The following RBKS variants were observed in gnomAD, a reference collection of about 807,000 sequenced individuals.
RBKS encodes ribokinase.
RBKS carries 33 observed loss-of-function variants against 33.9 expected under a neutral mutation model. The ratio of observed to expected loss-of-function variants is 0.97; its 90% CI spans 0.74 to 1.30. The LOEUF is 1.30. Among genes scored for constraint, RBKS ranks in the 50% most tolerant of loss-of-function variants. The pLI, the probability that RBKS is intolerant of heterozygous loss-of-function variation, is 0.00. For missense variants in RBKS, 361 were observed against 392.6 expected (o/e 0.92, Z 0.68); for synonymous variants, 125 against 143.0 (o/e 0.87, Z 0.90).
intron 7 of RBKS, among the ~76,000 whole-genome samples, chr2:27,783,497 G>T (rs1677327622): frequency 6.6e-6 from 1 of 152,338 alleles, no homozygotes; most frequent in African/African-American, 2.4e-5. Flanking sequence ...CATGGAAACA[G>T]AAAACGTCCT....
chr2:27,797,220 G>A (rs1003259319), intron 7 of RBKS, among the ~76,000 whole-genome samples: 2 of 152,212 alleles, frequency 1.3e-5, no homozygotes, highest in Admixed American at 6.5e-5. Flanking sequence ...TTGGGGCTGC[G>A]GTGTGCGATT....
At chr2:27,850,897 G>A (rs1302486556) in intron 2 of RBKS, among the ~76,000 whole-genome samples, 1 of 152,166 alleles carries the variant, frequency 6.6e-6, no homozygotes, top group African/African-American at 2.4e-5. Context: ...CAGAGGTTCT[G>A]GTAACACTGG....
intron 1 of RBKS, among the ~76,000 whole-genome samples, chr2:27,889,121 TCTAA>T (rs1324799825): frequency 1.3e-5 from 2 of 152,246 alleles, no homozygotes; most frequent in Non-Finnish European, 2.9e-5. Context: ...CAGTCTCTTC[TCTAA>T]CTCCCACCTT....
intron 7 of RBKS, among the ~76,000 whole-genome samples, chr2:27,786,355 C>T (rs1677400446): frequency 6.6e-6 from 1 of 152,196 alleles, no homozygotes; most frequent in South Asian, 2.1e-4. Flanking sequence ...TGCCTCCCTA[C>T]CTTGCACCCT....
chr2:27,845,425 G>A (rs938948627), intron 4 of RBKS, among the ~76,000 whole-genome samples: 1 of 152,102 alleles, frequency 6.6e-6, no homozygotes, highest in African/African-American at 2.4e-5. Flanking sequence ...ACCAGGCAAG[G>A]TCTACCAAAT....
At chr2:27,862,016 T>G (rs1044737345) in intron 1 of RBKS, among the ~76,000 whole-genome samples, 51 of 142,202 alleles carry the variant, frequency 3.6e-4, no homozygotes, top group Non-Finnish European at 9.0e-5. Flanking sequence ...AACACAAAAA[T>G]GGCTCACTGG....
chr2:27,840,801 C>T (rs920517288), intron 5 of RBKS, among the ~76,000 whole-genome samples: 1 of 151,964 alleles, frequency 6.6e-6, no homozygotes, highest in African/African-American at 2.4e-5. Flanking sequence ...ACTTAAAGTG[C>T]GACACTGTTT....
intron 7 of RBKS, among the ~76,000 whole-genome samples, chr2:27,792,834 C>G (rs970835934): frequency 1.3e-5 from 2 of 152,122 alleles, no homozygotes; most frequent in South Asian, 4.1e-4. Context: ...TCTTTAAGGC[C>G]CTGCTCCTTT....
At chr2:27,872,185 T>C (rs891215869) in intron 1 of RBKS, among the ~76,000 whole-genome samples, 2 of 152,070 alleles carry the variant, frequency 1.3e-5, no homozygotes, top group Non-Finnish European at 1.5e-5. Context: ...GGCCCAGGGG[T>C]TGGGGACCCC....
At chr2:27,796,948 CT>C (rs1677678384) in intron 7 of RBKS, among the ~76,000 whole-genome samples, 1 of 152,186 alleles carries the variant, frequency 6.6e-6, no homozygotes, top group African/African-American at 2.4e-5. Context: ...TGCCTGGGCC[CT>C]TGACTATGGC....
intron 1 of RBKS, among the ~76,000 whole-genome samples, chr2:27,879,679 T>A (rs1013155202): frequency 1.3e-5 from 2 of 152,108 alleles, no homozygotes; most frequent in Non-Finnish European, 2.9e-5. Flanking sequence ...CCCACAGAAA[T>A]ACAAATAACC....
chr2:27,814,345 A>G (rs762529303), intron 7 of RBKS, among the ~76,000 whole-genome samples: 1 of 152,220 alleles, frequency 6.6e-6, no homozygotes, highest in Non-Finnish European at 1.5e-5. Context: ...TTAAAAATCA[A>G]TAAAGCTAGG....
At chr2:27,862,339 A>G (rs1664008612) in intron 1 of RBKS, among the ~76,000 whole-genome samples, 1 of 152,230 alleles carries the variant, frequency 6.6e-6, no homozygotes, top group African/African-American at 2.4e-5. Context: ...AATGACAGGT[A>G]TTCACAAAGA....
intron 1 of RBKS, among the ~76,000 whole-genome samples, chr2:27,860,491 T>A (rs1326232085): frequency 3.3e-5 from 5 of 152,236 alleles, no homozygotes; most frequent in Non-Finnish European, 4.4e-5. Flanking sequence ...TTCCACTACA[T>A]CTATACTTAG....
chr2:27,883,437 G>C (rs367830909), intron 1 of RBKS, among the ~76,000 whole-genome samples: 1 of 152,084 alleles, frequency 6.6e-6, no homozygotes, highest in South Asian at 2.1e-4. Flanking sequence ...CTGACCTCGT[G>C]ATCTGCCCGC....
At chr2:27,832,987 T>C (rs1457878869) in intron 5 of RBKS, among the ~76,000 whole-genome samples, 1 of 152,212 alleles carries the variant, frequency 6.6e-6, no homozygotes, top group African/African-American at 2.4e-5. Flanking sequence ...CTTTACTTTG[T>C]ACTTTACAAC....
intron 1 of RBKS, among the ~76,000 whole-genome samples, chr2:27,881,061 A>T (rs1458210018): frequency 6.6e-6 from 1 of 151,730 alleles, no homozygotes; most frequent in African/African-American, 2.4e-5. Context: ...AAACCAACCA[A>T]CCAACAAACA....
chr2:27,870,690 A>G, intron 1 of RBKS: 2 of 434,424 alleles, frequency 4.6e-6, no homozygotes, highest in Admixed American at 4.8e-5. Context: ...GTAGACTCAC[A>G]TTCAGAAGCA....
At chr2:27,883,506 T>A (rs1664462592) in intron 1 of RBKS, among the ~76,000 whole-genome samples, 1 of 152,122 alleles carries the variant, frequency 6.6e-6, no homozygotes, top group Non-Finnish European at 1.5e-5. Flanking sequence ...GCCTCCTAAC[T>A]GCAGTATTCT....
Sources: gnomAD v4.1 joint callset for allele counts (sites outside exome capture counted in the v4.1 genomes callset) on GRCh38, gnomAD v4.1.1 for gene constraint, MANE v1.5 for transcripts, NCBI Gene and HGNC (gene_info 2026-07-23, HGNC 2026-07-21) for gene names.